Variants in DLGAP2 observed in about 807,000 individuals in gnomAD.
The protein encoded by DLGAP2 is DLG associated protein 2.
A neutral mutation model predicts 100.3 loss-of-function variants in DLGAP2; 26 were observed. The ratio of observed to expected loss-of-function variants is 0.26; its 90% confidence interval spans 0.19 to 0.36. The LOEUF is 0.36. DLGAP2 is among the 10% of genes least tolerant of loss of function. The pLI is 1.00. For synonymous variants in DLGAP2, 886 were observed against 630.1 expected (o/e 1.41, Z -6.08); for missense variants, 1,858 against 1,453.2 (o/e 1.28, Z -4.53).
intron 2 of DLGAP2, among the ~76,000 whole-genome samples, chr8:1,122,878 G>A (rs1167431876): frequency 6.6e-6 from 1 of 151,852 alleles, no homozygotes; most frequent in East Asian, 1.9e-4. Flanking sequence ...AGATTTGTTA[G>A]GCTCTAAATG....
chr8:803,553 G>A (rs1347588794), intron 1 of DLGAP2, among the ~76,000 whole-genome samples: 1 of 148,976 alleles, frequency 6.7e-6, no homozygotes, highest in Non-Finnish European at 1.5e-5. Flanking sequence ...CGTTACCAGT[G>A]AGATGCCCAC....
chr8:1,069,420 G>C (rs139672892), intron 2 of DLGAP2, among the ~76,000 whole-genome samples: 1 of 152,280 alleles, frequency 6.6e-6, no homozygotes, highest in African/African-American at 2.4e-5. Flanking sequence ...GCACACTCCT[G>C]TCCTCTCAGC....
intron 3 of DLGAP2, among the ~76,000 whole-genome samples, chr8:1,286,944 CA>C (rs1422428176): frequency 1.3e-5 from 2 of 152,208 alleles, no homozygotes; most frequent in Non-Finnish European, 2.9e-5. Context: ...TGGCCATCAG[CA>C]AGTTATTTTA....
At chr8:1,315,398 C>T (rs1460823630) in intron 3 of DLGAP2, among the ~76,000 whole-genome samples, 4 of 142,280 alleles carry the variant, frequency 2.8e-5, no homozygotes, top group South Asian at 2.3e-4. Flanking sequence ...GGTCTACACT[C>T]GAGAAACTCG....
At chr8:1,687,411 T>G (rs1463263175) in intron 12 of DLGAP2, among the ~76,000 whole-genome samples, 1 of 152,212 alleles carries the variant, frequency 6.6e-6, no homozygotes, top group Non-Finnish European at 1.5e-5. Flanking sequence ...GTCTAAACTA[T>G]GGCAAAATTA....
At chr8:1,628,522 G>C (rs1338524743) in intron 7 of DLGAP2, among the ~76,000 whole-genome samples, 1 of 148,836 alleles carries the variant, frequency 6.7e-6, no homozygotes, top group Non-Finnish European at 1.5e-5. Context: ...TTAAGAGCCT[G>C]AGCTGACCTC....
chr8:1,181,261 G>T (rs907043500), intron 2 of DLGAP2, among the ~76,000 whole-genome samples: 1 of 150,970 alleles, frequency 6.6e-6, no homozygotes, highest in Admixed American at 6.6e-5. Context: ...GTCGAGTGTG[G>T]GTGGCACACA....
intron 1 of DLGAP2, among the ~76,000 whole-genome samples, chr8:766,946 A>T (rs1018832472): frequency 1.3e-5 from 2 of 152,218 alleles, no homozygotes; most frequent in Non-Finnish European, 1.5e-5. Context: ...ATCCAAGGCC[A>T]TGACTCAGCA....
intron 2 of DLGAP2, among the ~76,000 whole-genome samples, chr8:986,020 A>G (rs527481474): frequency 5.3e-5 from 8 of 152,312 alleles, no homozygotes; most frequent in African/African-American, 1.7e-4. Flanking sequence ...GAAACTCTTG[A>G]TATCCCCATT....
chr8:1,182,077 G>A (rs1009173403), intron 2 of DLGAP2, among the ~76,000 whole-genome samples: 2 of 152,232 alleles, frequency 1.3e-5, no homozygotes, highest in Non-Finnish European at 2.9e-5. Flanking sequence ...TGATAGATGG[G>A]TCTTGCTAAG....
chr8:1,533,461 G>A (rs1469017409), intron 4 of DLGAP2, among the ~76,000 whole-genome samples: 2 of 151,824 alleles, frequency 1.3e-5, no homozygotes, highest in East Asian at 1.9e-4. Flanking sequence ...AGCCGAGATC[G>A]CGCCACTGCA....
At chr8:1,525,457 A>G (rs905798093) in intron 4 of DLGAP2, among the ~76,000 whole-genome samples, 41 of 152,296 alleles carry the variant, frequency 2.7e-4, no homozygotes, top group African/African-American at 3.4e-4. Context: ...GGTGACCATC[A>G]GAGTCCCAGT....
At chr8:1,105,451 C>T (rs999751024) in intron 2 of DLGAP2, among the ~76,000 whole-genome samples, 2 of 152,092 alleles carry the variant, frequency 1.3e-5, no homozygotes, top group Non-Finnish European at 2.9e-5. Context: ...GTCACCCTAA[C>T]ATGGTTCTGG....
intron 1 of DLGAP2, among the ~76,000 whole-genome samples, chr8:767,693 C>G (rs1298282053): frequency 6.6e-6 from 1 of 152,098 alleles, no homozygotes; most frequent in East Asian, 1.9e-4. Flanking sequence ...GTTTGTGCAT[C>G]AATCTTTAGG....
intron 1 of DLGAP2, among the ~76,000 whole-genome samples, chr8:830,632 T>G (rs1187697632): frequency 6.6e-6 from 1 of 152,240 alleles, no homozygotes; most frequent in Non-Finnish European, 1.5e-5. Context: ...CTTCCTTGTT[T>G]TCCATCTTTT....
Position 1,667,649 on chromosome 8 carries a change from C to T in DLGAP2, c.1811-680C>T, listed in dbSNP as rs185547299. On this transcript the variant is annotated intron_variant, in intron 8 of 14. Coordinates refer to ENST00000637795, the MANE Select transcript of DLGAP2 (RefSeq NM_001346810.2). ...TGCCCATCCTGTCACTCAACAGCCG[C>T]GATTAACATCTTCAGGTGCTGGTGA... Among the ~76,000 whole-genome samples, 400 of 152,338 alleles carry T rather than the reference C, an allele frequency of 2.6e-3. 4 individuals carry two copies. Among genetic ancestry groups the T allele is most frequent in the South Asian group, 0.02 (96 of 4,826 alleles).
At position 1,049,235 on chromosome 8, in the gene DLGAP2, G is replaced by A. The variant is rs114819255; in HGVS notation, c.73+141269G>A. ...GGGAAAATGTGTAATGAAATGGCAA[G>A]TTTTATGCAAACGGGGGAAATGTAT... On this transcript the variant is annotated intron_variant, in intron 2 of 14. Coordinates refer to ENST00000637795, the MANE Select transcript of DLGAP2 (RefSeq NM_001346810.2). Among the ~76,000 whole-genome samples the A allele has an allele frequency of 4.2e-3, 645 of 152,306 alleles. 5 individuals are homozygous for A. Among genetic ancestry groups the A allele is most frequent in the African/African-American group, 0.015 (603 of 41,574 alleles).
intron 3 of DLGAP2, among the ~76,000 whole-genome samples, chr8:1,330,884 C>T (rs997665355): frequency 1.5e-4 from 21 of 142,258 alleles, no homozygotes; most frequent in South Asian, 2.3e-4. Flanking sequence ...CATCGCTTCA[C>T]GGGGACTGAG....
At chr8:1,182,898 C>G (rs990702266) in intron 2 of DLGAP2, among the ~76,000 whole-genome samples, 1 of 152,158 alleles carries the variant, frequency 6.6e-6, no homozygotes, top group Non-Finnish European at 1.5e-5. Flanking sequence ...CTCAGGGGCA[C>G]TCAGGATGCA....
Sources: allele counts gnomAD v4.1 joint callset (sites outside exome capture counted in the v4.1 genomes callset), GRCh38; gene constraint gnomAD v4.1.1; transcripts MANE v1.5; gene names NCBI Gene and HGNC (gene_info 2026-07-23, HGNC 2026-07-21).